The following EFNB2 variants were observed in gnomAD, a reference collection of about 807,000 sequenced individuals.
EFNB2 encodes ephrin B2, also known as ephrin-B2.
In EFNB2, 5 loss-of-function variants were observed where a neutral mutation model predicts 32.1. That is an observed-to-expected ratio of 0.16 (90% CI 0.08 to 0.33). EFNB2 has a LOEUF of 0.33. EFNB2 is among the 10% of genes least tolerant of loss of function. The pLI is 1.00. For synonymous variants in EFNB2, 168 were observed against 166.5 expected (o/e 1.01, Z -0.07); for missense variants, 263 against 422.6 (o/e 0.62, Z 3.31).
At chr13:106,506,636 A>G (rs1480154183) in intron 2 of EFNB2, 1 of 152,206 alleles carries the variant, frequency 6.6e-6, no homozygotes, top group Non-Finnish European at 1.5e-5. Context: ...ACTTCAAATC[A>G]GCCAAGCTTT....
intron 1 of EFNB2, among the ~76,000 whole-genome samples, chr13:106,530,472 GT>G (rs1485606526): frequency 6.6e-6 from 1 of 152,234 alleles, no homozygotes. Context: ...GGTTCTTTAT[GT>G]CAGCAGCAAA....
chr13:106,495,058 G>A (rs1878543502), intron 3 of EFNB2, 64 bp from the exon 4 acceptor site: 2 of 1,285,124 alleles, frequency 1.6e-6, no homozygotes, highest in South Asian at 1.2e-5. Flanking sequence ...TTTAGGAGCT[G>A]CATATATATT....
chr13:106,498,164 A>C (rs1187954734), intron 2 of EFNB2, among the ~76,000 whole-genome samples: 2 of 152,150 alleles, frequency 1.3e-5, no homozygotes, highest in South Asian at 4.1e-4. Context: ...AAAATGACAA[A>C]ATGAGATCTG....
chr13:106,497,619 C>A (rs993001396), intron 2 of EFNB2, among the ~76,000 whole-genome samples: 3 of 152,090 alleles, frequency 2.0e-5, no homozygotes, highest in African/African-American at 7.2e-5. Flanking sequence ...TATACGTGTG[C>A]CATGTTGGTG....
At chr13:106,525,766 A>C (rs544838077) in intron 1 of EFNB2, among the ~76,000 whole-genome samples, 1 of 152,208 alleles carries the variant, frequency 6.6e-6, no homozygotes, top group Non-Finnish European at 1.5e-5. Flanking sequence ...TTCTCTCTAC[A>C]GGACTTAGAC....
chr13:106,513,907 A>G (rs953936353), intron 1 of EFNB2, among the ~76,000 whole-genome samples: 8 of 152,202 alleles, frequency 5.3e-5, no homozygotes, highest in Non-Finnish European at 8.8e-5. Flanking sequence ...ATTCACTAAG[A>G]GATAAAGCAA....
At chr13:106,526,484 T>C (rs1195222215) in intron 1 of EFNB2, among the ~76,000 whole-genome samples, 1 of 152,104 alleles carries the variant, frequency 6.6e-6, no homozygotes, top group East Asian at 1.9e-4. Flanking sequence ...CTTAAAGAGA[T>C]CACTCTTGAT....
At chr13:106,524,539 T>C (rs1195424231) in intron 1 of EFNB2, among the ~76,000 whole-genome samples, 4 of 152,254 alleles carry the variant, frequency 2.6e-5, no homozygotes, top group African/African-American at 9.6e-5. Flanking sequence ...GCAGTTAGAA[T>C]AGCAGCTGGC....
At chr13:106,513,132 C>T (rs539615075) in intron 1 of EFNB2, among the ~76,000 whole-genome samples, 1 of 152,306 alleles carries the variant, frequency 6.6e-6, no homozygotes, top group Admixed American at 6.5e-5. Context: ...CATAACTCTT[C>T]CTCCGTGGTG....
intron 1 of EFNB2, among the ~76,000 whole-genome samples, chr13:106,528,318 C>A (rs964032558): frequency 1.3e-5 from 2 of 152,064 alleles, no homozygotes; most frequent in African/African-American, 4.8e-5. Flanking sequence ...TCAACAAGGG[C>A]AATGTATCTA....
intron 2 of EFNB2, among the ~76,000 whole-genome samples, chr13:106,497,987 G>A (rs1018769915): frequency 7.2e-5 from 11 of 152,130 alleles, no homozygotes; most frequent in African/African-American, 9.7e-5. Flanking sequence ...AGTTTAAAAT[G>A]TTTGGTTTAC....
chr13:106,529,639 G>C (rs1190481411), intron 1 of EFNB2, among the ~76,000 whole-genome samples: 3 of 152,194 alleles, frequency 2.0e-5, no homozygotes, highest in Admixed American at 1.3e-4. Flanking sequence ...TTTCAGAGAC[G>C]TGTCATTTCT....
chr13:106,516,778 C>T (rs2138926651), intron 1 of EFNB2: 1 of 152,296 alleles, frequency 6.6e-6, no homozygotes. Flanking sequence ...GACCACGGCT[C>T]AGATGTGCAA....
intron 2 of EFNB2, among the ~76,000 whole-genome samples, chr13:106,496,288 C>T (rs115189842): frequency 5.9e-5 from 9 of 152,276 alleles, no homozygotes; most frequent in Middle Eastern, 3.4e-3. Context: ...ATTAGCTTGA[C>T]GCTCTGTTTG....
At chr13:106,506,118 C>G (rs1351304835) in intron 2 of EFNB2, 1 of 152,128 alleles carries the variant, frequency 6.6e-6, no homozygotes, top group Non-Finnish European at 1.5e-5. Context: ...CTGGGAAAAC[C>G]TTTAATACAC....
Position 106,535,161 on chromosome 13 carries a change from G to A in EFNB2, c.-197C>T. On this transcript the variant is annotated 5_prime_UTR_variant, in exon 1 of 5. Coordinates refer to ENST00000646441, the MANE Select transcript of EFNB2 (RefSeq NM_004093.4). The stretch of plus-strand genomic sequence containing the variant: ...CTCCGGGGCCCTCAGGGCGCGGGGC[G>A]GGAGCGCACGCGCGGGGCGCGGCGG... 2 of 340,502 alleles carry A rather than the reference G, an allele frequency of 5.9e-6. No homozygotes were observed. Among genetic ancestry groups the A allele is most frequent in the East Asian group, 1.0e-4 (1 of 9,762 alleles). The allele number at this position is 340,502 out of a possible 1,614,324, so 21.1% of individuals were successfully genotyped here.
At chr13:106,502,619 G>A (rs904970976) in intron 2 of EFNB2, among the ~76,000 whole-genome samples, 1 of 152,138 alleles carries the variant, frequency 6.6e-6, no homozygotes, top group Non-Finnish European at 1.5e-5. Context: ...GGACACTGAG[G>A]GAGAAGGTCA....
At chr13:106,505,178 A>G (rs11840272) in intron 2 of EFNB2, among the ~76,000 whole-genome samples, 3,415 of 152,276 alleles carry the variant, frequency 0.022, 115 homozygotes, top group African/African-American at 0.077. Flanking sequence ...TTTATAGTTC[A>G]TGAGCTTCTC....
rs1878500720 is a variant in EFNB2, at chr13:106,493,861, T to A, written c.614-433A>T. Among the ~76,000 whole-genome samples the A allele has an allele frequency of 6.6e-6, 1 of 152,242 alleles. No individual in the cohort carries two copies. Among genetic ancestry groups the A allele is most frequent in the African/African-American group, 2.4e-5 (1 of 41,468 alleles). ...GTTTCATGCAAACCTTCAAAGGGCC[T>A]GCCTTCTAAAGAAGAGCCCTGCCTC... On this transcript the variant is annotated intron_variant, in intron 4 of 4. Transcript: ENST00000646441. The surrounding 1 kb of genome is among the most constrained non-coding windows in gnomAD (Gnocchi z 6.1).
Sources: allele counts gnomAD v4.1 joint callset (sites outside exome capture counted in the v4.1 genomes callset), GRCh38; gene constraint gnomAD v4.1.1; non-coding constraint Gnocchi (gnomAD v3.1); transcripts MANE v1.5; gene names NCBI Gene and HGNC (gene_info 2026-07-23, HGNC 2026-07-21).